TAFA1: variants seen among roughly 807,000 people sequenced by gnomAD.
The protein encoded by TAFA1 is chemokine-like protein TAFA-1.
TAFA1 carries 4 observed loss-of-function variants against 18.5 expected under a neutral mutation model. The observed-to-expected ratio is 0.22, with a 90% CI of 0.11 to 0.49. TAFA1 has a LOEUF of 0.49. Among genes scored for constraint, TAFA1 ranks in the 20% least tolerant of loss-of-function variants. The pLI is 0.98. For synonymous variants in TAFA1, 56 were observed against 55.2 expected, an observed-to-expected ratio of 1.01 and a Z score of -0.06; for missense variants, 147 against 169.0, an observed-to-expected ratio of 0.87 and a Z score of 0.72.
At chr3:68,153,416 G>A (rs2065830634) in intron 2 of TAFA1, among the ~76,000 whole-genome samples, 1 of 152,162 alleles carries the variant, frequency 6.6e-6, no homozygotes, top group Non-Finnish European at 1.5e-5. Flanking sequence ...ATGATTAGAA[G>A]CTGAGAAGGT....
chr3:68,245,148 G>A (rs954245399), intron 2 of TAFA1, among the ~76,000 whole-genome samples: 3 of 152,180 alleles, frequency 2.0e-5, no homozygotes, highest in African/African-American at 7.2e-5. Context: ...AATTTGACCA[G>A]GCATTTGACA....
intron 2 of TAFA1, among the ~76,000 whole-genome samples, chr3:68,350,309 G>T (rs2106772910): frequency 6.6e-6 from 1 of 152,250 alleles, no homozygotes; most frequent in Middle Eastern, 3.4e-3. Flanking sequence ...TATACAATGA[G>T]AGACAAATGC....
intron 2 of TAFA1, among the ~76,000 whole-genome samples, chr3:68,214,458 T>C (rs1173250214): frequency 6.6e-6 from 1 of 152,058 alleles, no homozygotes; most frequent in Non-Finnish European, 1.5e-5. Context: ...AAATTTGGTG[T>C]GATTAAGTTC....
chr3:68,118,487 G>C (rs1331154397), intron 2 of TAFA1, among the ~76,000 whole-genome samples: 2 of 152,088 alleles, frequency 1.3e-5, no homozygotes, highest in African/African-American at 4.8e-5. Context: ...GTGGCCCAGG[G>C]GTTAGGGACC....
chr3:68,171,461 T>C (rs1189530315), intron 2 of TAFA1, among the ~76,000 whole-genome samples: 6 of 152,172 alleles, frequency 3.9e-5, no homozygotes, highest in Non-Finnish European at 8.8e-5. Context: ...ATTTTGGTGA[T>C]TTGTTTCACA....
At chr3:68,032,204 G>T (rs1294774176) in intron 2 of TAFA1, among the ~76,000 whole-genome samples, 2 of 151,928 alleles carry the variant, frequency 1.3e-5, no homozygotes, top group South Asian at 2.1e-4. Context: ...AAGATTTTTG[G>T]TTTTTTCAAA....
At chr3:68,035,814 G>T (rs572458678) in intron 2 of TAFA1, among the ~76,000 whole-genome samples, 1 of 152,252 alleles carries the variant, frequency 6.6e-6, no homozygotes, top group African/African-American at 2.4e-5. Flanking sequence ...AAACAAACTG[G>T]TGCAGCCACG....
chr3:68,173,361 A>G (rs1054211112), intron 2 of TAFA1, among the ~76,000 whole-genome samples: 1 of 148,214 alleles, frequency 6.7e-6, no homozygotes, highest in Admixed American at 6.6e-5. Flanking sequence ...TGGATGAATT[A>G]CAACTCTAAC....
At chr3:68,049,233 A>G (rs995594042) in intron 2 of TAFA1, among the ~76,000 whole-genome samples, 2 of 152,188 alleles carry the variant, frequency 1.3e-5, no homozygotes, top group African/African-American at 4.8e-5. Context: ...TATTAAAAGG[A>G]AATAAACTCT....
chr3:68,212,661 G>T (rs1032566549), intron 2 of TAFA1, among the ~76,000 whole-genome samples: 1 of 151,758 alleles, frequency 6.6e-6, no homozygotes, highest in Non-Finnish European at 1.5e-5. Flanking sequence ...TTTCAGAATT[G>T]TACTTTACCT....
chr3:68,267,646 T>A (rs1220668808), intron 2 of TAFA1, among the ~76,000 whole-genome samples: 5 of 152,194 alleles, frequency 3.3e-5, no homozygotes, highest in Non-Finnish European at 5.9e-5. Context: ...AAAGTTTTGT[T>A]CTATCTTGCA....
intron 2 of TAFA1, among the ~76,000 whole-genome samples, chr3:68,155,993 C>CT (rs201677527): frequency 0.011 from 1,692 of 152,232 alleles, 35 homozygotes; most frequent in African/African-American, 0.039. Flanking sequence ...TAGGTTACTA[C>CT]TTTTTTTCCC....
chr3:68,387,587 G>A (rs1320888870), intron 2 of TAFA1, among the ~76,000 whole-genome samples: 1 of 152,058 alleles, frequency 6.6e-6, no homozygotes, highest in East Asian at 1.9e-4. Context: ...CATTATGATG[G>A]GTGCTGGGGA....
At chr3:68,433,079 A>G (rs957953612) in intron 3 of TAFA1, among the ~76,000 whole-genome samples, 3 of 152,070 alleles carry the variant, frequency 2.0e-5, no homozygotes, top group African/African-American at 7.2e-5. Context: ...GATTTCTCAA[A>G]GACACCTCAA....
At chr3:68,267,030 A>C (rs914239281) in intron 2 of TAFA1, among the ~76,000 whole-genome samples, 1 of 152,112 alleles carries the variant, frequency 6.6e-6, no homozygotes, top group Non-Finnish European at 1.5e-5. Flanking sequence ...CCATTGATTG[A>C]CTTCCTGCAT....
chr3:68,111,498 A>C (rs939153433), intron 2 of TAFA1, among the ~76,000 whole-genome samples: 3 of 152,144 alleles, frequency 2.0e-5, no homozygotes, highest in Non-Finnish European at 4.4e-5. Context: ...GAAGGGATTC[A>C]GAGTAAAATG....
At chr3:68,258,245 C>G (rs1467127045) in intron 2 of TAFA1, among the ~76,000 whole-genome samples, 1 of 152,174 alleles carries the variant, frequency 6.6e-6, no homozygotes, top group Non-Finnish European at 1.5e-5. Context: ...TCTGTAGTAT[C>G]TTCGCAACTT....
intron 3 of TAFA1, among the ~76,000 whole-genome samples, chr3:68,516,923 G>C (rs9847105): frequency 6.6e-6 from 1 of 151,912 alleles, no homozygotes; most frequent in African/African-American, 2.4e-5. Context: ...ACAGGCATGC[G>C]CCACCACACC....
intron 2 of TAFA1, among the ~76,000 whole-genome samples, chr3:68,305,879 G>T (rs1033717379): frequency 6.6e-6 from 1 of 152,150 alleles, no homozygotes; most frequent in Admixed American, 6.5e-5. Context: ...TTTTCTTCAT[G>T]TAAAATGGAC....
Sources: gnomAD v4.1 joint callset for allele counts (sites outside exome capture counted in the v4.1 genomes callset) on GRCh38, gnomAD v4.1.1 for gene constraint, MANE v1.5 for transcripts, NCBI Gene and HGNC (gene_info 2026-07-23, HGNC 2026-07-21) for gene names.